AGBL1: variants seen among roughly 807,000 people sequenced by gnomAD.
AGBL1 encodes AGBL carboxypeptidase 1.
In AGBL1, 130 loss-of-function variants were observed where a neutral mutation model predicts 118.9. That is an observed-to-expected ratio of 1.09 (90% CI 0.95 to 1.26). The LOEUF (loss-of-function observed/expected upper bound fraction) is 1.26. AGBL1 is among the 50% of genes most tolerant of loss of function. The pLI, the probability that AGBL1 is intolerant of heterozygous loss-of-function variation, is 0.00. For synonymous variants in AGBL1, 555 were observed against 478.9 expected (o/e 1.16, Z -2.08); for missense variants, 1,584 against 1,298.1 (o/e 1.22, Z -3.38).
At chr15:86,080,966 T>C (rs1895240677) in intron 1 of AGBL1, among the ~76,000 whole-genome samples, 1 of 152,190 alleles carries the variant, frequency 6.6e-6, no homozygotes. Flanking sequence ...CCCATTCCCC[T>C]GTTTAGAATA....
intron 1 of AGBL1, among the ~76,000 whole-genome samples, chr15:86,103,258 A>G (rs1896839170): frequency 6.6e-6 from 1 of 152,220 alleles, no homozygotes; most frequent in African/African-American, 2.4e-5. Context: ...AGGGTGAATT[A>G]TAGTAAAAAA....
At chr15:86,597,866 GT>G (rs5814251) in intron 21 of AGBL1, among the ~76,000 whole-genome samples, 68,443 of 151,878 alleles carry the variant, frequency 0.45, 15,523 homozygotes, top group East Asian at 0.61. Flanking sequence ...TATGTGATTG[GT>G]TTGGGGAGGA....
intron 21 of AGBL1, among the ~76,000 whole-genome samples, chr15:86,626,250 A>G (rs2084885700): frequency 1.3e-5 from 2 of 152,210 alleles, no homozygotes; most frequent in Non-Finnish European, 2.9e-5. Flanking sequence ...AAGACATGGA[A>G]TCCACCTAAA....
intron 22 of AGBL1, among the ~76,000 whole-genome samples, chr15:86,774,115 A>G (rs762796545): frequency 4.6e-5 from 7 of 152,052 alleles, no homozygotes; most frequent in Non-Finnish European, 1.0e-4. Flanking sequence ...CCTGTGAGAG[A>G]GCTTCAAGTG....
chr15:86,109,160 T>A (rs1251123732), intron 1 of AGBL1, among the ~76,000 whole-genome samples: 1 of 152,226 alleles, frequency 6.6e-6, no homozygotes, highest in Non-Finnish European at 1.5e-5. Context: ...TCATTAAATA[T>A]TACTATTAAT....
At chr15:86,750,046 C>T (rs1041580637) in intron 22 of AGBL1, among the ~76,000 whole-genome samples, 2 of 152,034 alleles carry the variant, frequency 1.3e-5, no homozygotes, top group African/African-American at 4.8e-5. Context: ...GGGAGGATTC[C>T]CTCTTTTTCT....
At chr15:86,187,911 A>G (rs1567113372) in intron 5 of AGBL1, among the ~76,000 whole-genome samples, 2 of 152,192 alleles carry the variant, frequency 1.3e-5, no homozygotes, top group Non-Finnish European at 1.5e-5. Context: ...TCAGGCATTC[A>G]GGGTTGGAAA....
chr15:86,771,182 T>C (rs1261620124), intron 22 of AGBL1, among the ~76,000 whole-genome samples: 2 of 152,014 alleles, frequency 1.3e-5, no homozygotes, highest in East Asian at 3.9e-4. Context: ...TGTTATGACA[T>C]TAAGCTACTG....
intron 18 of AGBL1, among the ~76,000 whole-genome samples, chr15:86,458,408 C>G (rs372541677): frequency 1.2e-4 from 18 of 152,254 alleles, no homozygotes; most frequent in Middle Eastern, 3.4e-3. Flanking sequence ...TTTTCTTTCT[C>G]TCTTTACCAA....
At chr15:86,229,377 A>G (rs1277856878) in intron 6 of AGBL1, among the ~76,000 whole-genome samples, 4 of 152,092 alleles carry the variant, frequency 2.6e-5, no homozygotes, top group Non-Finnish European at 5.9e-5. Context: ...GTGCCAAGCA[A>G]AAGGGCAAAA....
chr15:86,854,861 A>G (rs2079455964), intron 22 of AGBL1, among the ~76,000 whole-genome samples: 1 of 152,210 alleles, frequency 6.6e-6, no homozygotes, highest in Non-Finnish European at 1.5e-5. Flanking sequence ...GATTCGCATG[A>G]AAAACATTAC....
intron 5 of AGBL1, among the ~76,000 whole-genome samples, chr15:86,203,323 C>T (rs1277712579): frequency 6.6e-6 from 1 of 152,140 alleles, no homozygotes; most frequent in Non-Finnish European, 1.5e-5. Flanking sequence ...TAAAGATAGT[C>T]ACAAATGTGC....
intron 18 of AGBL1, among the ~76,000 whole-genome samples, chr15:86,420,298 C>T (rs890552653): frequency 6.6e-6 from 1 of 152,062 alleles, no homozygotes; most frequent in Non-Finnish European, 1.5e-5. Context: ...TGTTCTGCAG[C>T]CTCTGCTGGT....
intron 23 of AGBL1, among the ~76,000 whole-genome samples, chr15:86,953,203 T>C (rs2080896922): frequency 6.6e-6 from 1 of 152,178 alleles, no homozygotes; most frequent in Non-Finnish European, 1.5e-5. Flanking sequence ...CTGTGAAAAA[T>C]GACATTGGTA....
At chr15:86,318,570 T>C (rs2080054237) in intron 17 of AGBL1, among the ~76,000 whole-genome samples, 1 of 151,990 alleles carries the variant, frequency 6.6e-6, no homozygotes, top group Non-Finnish European at 1.5e-5. Flanking sequence ...TAGAGCCAGA[T>C]GTGTAGTCAA....
intron 21 of AGBL1, among the ~76,000 whole-genome samples, chr15:86,641,065 T>C (rs1465581081): frequency 6.6e-6 from 1 of 152,122 alleles, no homozygotes; most frequent in Admixed American, 6.6e-5. Context: ...TGAGTCCTAA[T>C]GTTTTCCTTC....
intron 3 of AGBL1, among the ~76,000 whole-genome samples, chr15:86,151,393 T>C (rs1200533230): frequency 1.3e-5 from 2 of 150,834 alleles, no homozygotes; most frequent in Non-Finnish European, 2.9e-5. Context: ...TCAATAAATG[T>C]AATCCATCAC....
intron 21 of AGBL1, among the ~76,000 whole-genome samples, chr15:86,557,282 G>C (rs537672422): frequency 6.6e-6 from 1 of 152,152 alleles, no homozygotes; most frequent in South Asian, 2.1e-4. Flanking sequence ...TTTTTTAGAG[G>C]CATCCCGTCC....
At chr15:86,418,752 C>T (rs1054641221) in intron 18 of AGBL1, among the ~76,000 whole-genome samples, 2 of 152,126 alleles carry the variant, frequency 1.3e-5, no homozygotes, top group East Asian at 1.9e-4. Flanking sequence ...CCCACAGGCA[C>T]CTCTCATAAT....
Sources: gnomAD v4.1 joint callset for allele counts (sites outside exome capture counted in the v4.1 genomes callset) on GRCh38, gnomAD v4.1.1 for gene constraint, MANE v1.5 for transcripts, NCBI Gene and HGNC (gene_info 2026-07-23, HGNC 2026-07-21) for gene names.